PPFIA4: variants seen among roughly 807,000 people sequenced by gnomAD.
PPFIA4 encodes the protein liprin-alpha-4.
In PPFIA4, 98 loss-of-function variants were observed where a neutral mutation model predicts 145.7. The ratio of observed to expected loss-of-function variants is 0.67; its 90% CI spans 0.57 to 0.80. PPFIA4 has a LOEUF of 0.80. Among genes scored for constraint, PPFIA4 ranks in the 30% least tolerant of loss-of-function variants. PPFIA4 has a pLI of 0.00. For missense variants in PPFIA4, 1,457 were observed against 1,632.7 expected (o/e 0.89, Z 1.85); for synonymous variants, 628 against 649.6 (o/e 0.97, Z 0.51).
At chr1:203,042,993 C>T (rs540497943) in intron 2 of PPFIA4, among the ~76,000 whole-genome samples, 1 of 152,256 alleles carries the variant, frequency 6.6e-6, no homozygotes, top group African/African-American at 2.4e-5. Context: ...ATCCACCAAA[C>T]CAGAAGCAGA....
chr1:203,049,645 TC>T, intron 12 of PPFIA4, 30 bp from the exon 13 acceptor site: 1 of 740,694 alleles, frequency 1.4e-6, no homozygotes, highest in South Asian at 1.8e-5. Flanking sequence ...TGGCCCCCAC[TC>T]CCGCCCCCAC....
Position 203,044,472 on chromosome 1 carries a change from C to A in PPFIA4, c.576+19C>A. The A allele has an allele frequency of 6.5e-7, 1 of 1,547,878 alleles. No homozygotes were observed. The highest frequency in any genetic ancestry group is 2.4e-5 in the East Asian group (1 of 40,906). On this transcript the variant is annotated intron_variant, in intron 5 of 29. Transcript: ENST00000295706. ...CCAGCAGGTAATCTGCCTGCTCACC[C>A]TCAGTCTGCAGCTCCTGGAAGTCCA...
chr1:203,052,084 A>G (rs1660574834), intron 14 of PPFIA4, among the ~76,000 whole-genome samples: 1 of 137,140 alleles, frequency 7.3e-6, no homozygotes, highest in African/African-American at 2.8e-5. Context: ...GGTGGGCAAG[A>G]GGTGGGGGCT....
chr1:203,051,408 C>T lies in PPFIA4; in HGVS notation c.1512-361C>T, dbSNP rs190370581. The T allele has an allele frequency of 2.6e-3, 2,150 of 828,252 alleles. 72 individuals are homozygous for T. In the Admixed American group the frequency reaches 0.067, roughly 26 times the overall value. The allele number at this position is 828,252 out of a possible 1,614,324, so 51.3% of individuals were successfully genotyped here. A position where few individuals can be genotyped will look rare whatever the true frequency, so the allele number is the denominator to read the frequency against. On this transcript the variant is annotated intron_variant, in intron 13 of 29. Transcript: ENST00000295706. ...CAGTGCCTGGAGCCCTCCTGCGCCA[C>T]GTGTGTCAGATGGCCGGAGAGCCTC...
intron 14 of PPFIA4, among the ~76,000 whole-genome samples, chr1:203,053,142 T>A (rs1275091365): frequency 6.6e-6 from 1 of 152,214 alleles, no homozygotes; most frequent in Non-Finnish European, 1.5e-5. Flanking sequence ...ACAACTAGTG[T>A]TTGGTGGAGA....
chr1:203,074,796 G>A (rs556513128), intron 28 of PPFIA4, among the ~76,000 whole-genome samples: 1 of 152,200 alleles, frequency 6.6e-6, no homozygotes, highest in South Asian at 2.1e-4. Context: ...TAGGGTTGTG[G>A]CCCTGGGTGC....
chr1:203,042,258 C>T (rs1157943461), intron 2 of PPFIA4, among the ~76,000 whole-genome samples: 1 of 152,184 alleles, frequency 6.6e-6, no homozygotes, highest in African/African-American at 2.4e-5. Context: ...AATGTGGGAG[C>T]AGTCTCTCAC....
intron 1 of PPFIA4, among the ~76,000 whole-genome samples, chr1:203,032,152 T>C (rs1468717256): frequency 6.6e-6 from 1 of 151,946 alleles, no homozygotes; most frequent in Admixed American, 6.6e-5. Flanking sequence ...TTTTATACAA[T>C]TGAAACCTTA....
At chr1:203,058,034 C>T (rs140817599) in intron 19 of PPFIA4, among the ~76,000 whole-genome samples, 94 of 152,244 alleles carry the variant, frequency 6.2e-4, no homozygotes, top group Non-Finnish European at 7.4e-4. Context: ...GAGGGCCTTG[C>T]AGCATCTGTT....
Position 203,043,372 on chromosome 1 carries a change from A to G in PPFIA4, c.235-25A>G. 3 of 1,589,320 alleles carry G rather than the reference A, an allele frequency of 1.9e-6. No homozygotes were observed. Among genetic ancestry groups the G allele is most frequent in the Non-Finnish European group, 2.6e-6 (3 of 1,166,684 alleles). The stretch of plus-strand genomic sequence containing the variant: ...CTGCTTTGGGGGTGAATCCTGAAGC[A>G]CTGAGGGGCCTTGGGGGTTTTCAGG... On this transcript the variant is annotated intron_variant, in intron 2 of 29. Coordinates refer to ENST00000295706, the MANE Select transcript of PPFIA4 (RefSeq NM_001304331.2). This position sits in a 1 kb window ranked among gnomAD's most constrained non-coding sequence, Gnocchi z 4.4.
At chr1:203,040,760 G>T (rs1010608978) in intron 2 of PPFIA4, among the ~76,000 whole-genome samples, 1 of 152,184 alleles carries the variant, frequency 6.6e-6, no homozygotes, top group South Asian at 2.1e-4. Flanking sequence ...CTGGAGGGAG[G>T]ACTGTTACGT....
Position 203,078,250 on chromosome 1 carries a change from C to T in PPFIA4, c.*1860C>T, listed in dbSNP as rs1662668682. 6.6e-6 allele frequency: 1 copy of T among 152,252 alleles called. No homozygotes were observed. The highest frequency in any genetic ancestry group is 1.5e-5 in the Non-Finnish European group (1 of 68,048). The allele number at this position is 152,252 out of a possible 1,614,324, so 9.4% of individuals were successfully genotyped here. A position where few individuals can be genotyped will look rare whatever the true frequency, so the allele number is the denominator to read the frequency against. ...TTGGATGGAGATAAACAGCTCCCAT[C>T]CCTGGGTAATGGATGGTAAGATGAT... is the stretch of plus-strand genomic sequence containing the variant. On this transcript the variant is annotated 3_prime_UTR_variant, in exon 30 of 30. Coordinates refer to ENST00000295706, the MANE Select transcript of PPFIA4 (RefSeq NM_001304331.2).
chr1:203,061,594 C>T (rs940616080), intron 23 of PPFIA4, 58 bp from the exon 24 acceptor site: 1 of 1,522,038 alleles, frequency 6.6e-7, no homozygotes, highest in Non-Finnish European at 8.9e-7. Context: ...TAGGGTAGAG[C>T]TGATGGGTTT....
chr1:203,076,547 A>G lies in PPFIA4; in HGVS notation c.*157A>G, dbSNP rs1004594. The G allele has an allele frequency of 1.5e-6, 1 of 684,594 alleles. No individual in the cohort carries two copies. Among genetic ancestry groups the G allele is most frequent in the South Asian group, 1.8e-5 (1 of 55,500 alleles). 42.4% of individuals were successfully genotyped at this position (684,594 alleles called of 1,614,324 possible). The stretch of plus-strand genomic sequence containing the variant: ...GAATATATTCGTCCACCCCCTCGGC[A>G]CCCCATTACCCCGAGTCCCACCGTG... On this transcript the variant is annotated 3_prime_UTR_variant, in exon 30 of 30. Transcript: ENST00000295706.
chr1:203,062,770 A>T (rs1255403653), intron 24 of PPFIA4, among the ~76,000 whole-genome samples: 1 of 152,200 alleles, frequency 6.6e-6, no homozygotes, highest in Non-Finnish European at 1.5e-5. Context: ...AAACAAAATT[A>T]ATAATATGTT....
intron 14 of PPFIA4, among the ~76,000 whole-genome samples, chr1:203,053,198 A>G (rs1345527437): frequency 2.6e-5 from 4 of 152,188 alleles, no homozygotes; most frequent in African/African-American, 7.2e-5. Context: ...TCTTCTTAAC[A>G]GTTAGAGCAG....
At position 203,038,980 on chromosome 1, in the gene PPFIA4, A is replaced by G. The variant is rs763427306; in HGVS notation, c.-29A>G. 7.9e-6 allele frequency: 10 copies of G among 1,266,388 alleles called. No homozygotes were observed. Among genetic ancestry groups the G allele is most frequent in the African/African-American group, 1.5e-5 (1 of 65,610 alleles). 78.4% of individuals were successfully genotyped at this position (1,266,388 alleles called of 1,614,324 possible). The stretch of plus-strand genomic sequence containing the variant: ...CCTGTGAGTCCCTCCCTGTCCCCTG[A>G]CGCTGAGAAGGCCCTGCCAACCCCC... On this transcript the variant is annotated 5_prime_UTR_variant, in exon 2 of 30. Transcript: ENST00000295706.
intron 6 of PPFIA4, 55 bp downstream of exon 6, chr1:203,044,840 T>G: frequency 6.8e-7 from 1 of 1,468,854 alleles, no homozygotes; most frequent in Non-Finnish European, 9.3e-7. Context: ...GGTGGGAGGT[T>G]GGAGGCCCGG....
At chr1:203,074,742 C>A (rs1662402890) in intron 28 of PPFIA4, among the ~76,000 whole-genome samples, 1 of 151,960 alleles carries the variant, frequency 6.6e-6, no homozygotes, top group South Asian at 2.1e-4. Flanking sequence ...TGGATAAAGG[C>A]TCTGAAGTGT....
Sources: gnomAD v4.1 joint callset for allele counts (sites outside exome capture counted in the v4.1 genomes callset) on GRCh38, gnomAD v4.1.1 for gene constraint, Gnocchi (gnomAD v3.1) non-coding constraint, MANE v1.5 for transcripts, NCBI Gene and HGNC (gene_info 2026-07-23, HGNC 2026-07-21) for gene names.